SEMA5A: variants seen among roughly 807,000 people sequenced by gnomAD.
SEMA5A encodes the protein semaphorin-5A.
SEMA5A carries 55 observed loss-of-function variants against 135.5 expected under a neutral mutation model. The observed-to-expected ratio is 0.41, with a 90% CI of 0.33 to 0.51. The LOEUF (loss-of-function observed/expected upper bound fraction) is 0.51, where lower values mean the gene tolerates loss of function less well. SEMA5A is among the 20% of genes least tolerant of loss of function. SEMA5A has a pLI of 0.37. For missense variants in SEMA5A, 1,290 were observed against 1,419.9 expected (o/e 0.91, Z 1.47); for synonymous variants, 580 against 546.5 (o/e 1.06, Z -0.85).
intron 15 of SEMA5A, among the ~76,000 whole-genome samples, chr5:9,118,677 A>G (rs1740645241): frequency 6.6e-6 from 1 of 152,146 alleles, no homozygotes; most frequent in South Asian, 2.1e-4. Flanking sequence ...TTCTCACAAG[A>G]GTAAGTCTCC....
chr5:9,131,530 C>T (rs1741415685), intron 13 of SEMA5A, among the ~76,000 whole-genome samples: 1 of 142,124 alleles, frequency 7.0e-6, no homozygotes. Flanking sequence ...ATGGCATGAA[C>T]CCAGGAGGTG....
intron 5 of SEMA5A, among the ~76,000 whole-genome samples, chr5:9,301,993 T>C (rs1201763983): frequency 1.3e-5 from 2 of 152,048 alleles, no homozygotes; most frequent in Non-Finnish European, 2.9e-5. Flanking sequence ...CAGCTCTGAG[T>C]GGCTGCCAGC....
chr5:9,293,718 T>TCTGC (rs1240051928), intron 5 of SEMA5A, among the ~76,000 whole-genome samples: 1 of 152,236 alleles, frequency 6.6e-6, no homozygotes, highest in East Asian at 1.9e-4. Context: ...CAATTATTGA[T>TCTGC]CTGCCATATG....
intron 3 of SEMA5A, among the ~76,000 whole-genome samples, chr5:9,339,755 A>C (rs35870770): frequency 6.6e-6 from 1 of 152,122 alleles, no homozygotes; most frequent in Non-Finnish European, 1.5e-5. Context: ...TGTGACAGCA[A>C]AGCTTTGAAA....
intron 1 of SEMA5A, among the ~76,000 whole-genome samples, chr5:9,539,482 G>C (rs545854466): frequency 1.4e-4 from 21 of 152,278 alleles, no homozygotes; most frequent in African/African-American, 5.1e-4. Flanking sequence ...TCTCTGTAAT[G>C]TGTAAACATA....
intron 5 of SEMA5A, among the ~76,000 whole-genome samples, chr5:9,271,059 G>A (rs1049166820): frequency 2.6e-5 from 4 of 152,016 alleles, no homozygotes; most frequent in Admixed American, 6.6e-5. Flanking sequence ...TCCACATATC[G>A]GGGAGGGGCC....
At chr5:9,238,679 G>A (rs1275977419) in intron 5 of SEMA5A, among the ~76,000 whole-genome samples, 1 of 150,612 alleles carries the variant, frequency 6.6e-6, no homozygotes, top group African/African-American at 2.4e-5. Context: ...AGTTTTTTGC[G>A]CAAATTGAGG....
intron 5 of SEMA5A, among the ~76,000 whole-genome samples, chr5:9,251,082 T>G (rs1198799638): frequency 2.0e-5 from 3 of 152,124 alleles, no homozygotes; most frequent in South Asian, 2.1e-4. Flanking sequence ...AGGAGTGGGT[T>G]AGTTATAACT....
At position 9,409,585 on chromosome 5, in the gene SEMA5A, G is replaced by T. The variant is rs576596113; in HGVS notation, c.-78+28171C>A. On this transcript the variant is annotated intron_variant, in intron 2 of 22. Coordinates refer to ENST00000382496, the MANE Select transcript of SEMA5A (RefSeq NM_003966.3). ...GGACCTTTACCTGCGTGTGCTGGAG[G>T]CTCCTCAGCTGTTTCTCCTTCTCTG... Among the ~76,000 whole-genome samples, 136 of 152,288 alleles carry T rather than the reference G, an allele frequency of 8.9e-4. 1 individual carries two copies. Among genetic ancestry groups the T allele is most frequent in the African/African-American group, 3.0e-3 (123 of 41,566 alleles).
intron 11 of SEMA5A, among the ~76,000 whole-genome samples, chr5:9,184,978 C>T (rs1021171402): frequency 3.2e-4 from 49 of 152,156 alleles, no homozygotes; most frequent in African/African-American, 6.7e-4. Context: ...CCCAGGCTGG[C>T]GTACAATGGT....
intron 1 of SEMA5A, among the ~76,000 whole-genome samples, chr5:9,531,952 A>G (rs1464509837): frequency 2.0e-5 from 3 of 152,200 alleles, no homozygotes; most frequent in African/African-American, 4.8e-5. Context: ...CCATCTCTCT[A>G]TGAAGTTTAG....
chr5:9,414,357 C>G (rs1757211058), intron 2 of SEMA5A, among the ~76,000 whole-genome samples: 1 of 152,170 alleles, frequency 6.6e-6, no homozygotes, highest in African/African-American at 2.4e-5. Flanking sequence ...CTAGCTCTTC[C>G]TACTGATGCC....
Position 9,201,971 on chromosome 5 carries a change from T to C in SEMA5A, c.916A>G (p.Ile306Val), listed in dbSNP as rs990451677. 1.2e-6 allele frequency: 2 copies of C among 1,614,060 alleles called. No individual in the cohort carries two copies. Among genetic ancestry groups the C allele is most frequent in the East Asian group, 2.2e-5 (1 of 44,872 alleles). ...GTTACATACACATTGGTGGTAAAGATGCCATAGATCAAATCCAGCTCAGGC... is the reference window on the plus strand; with the variant it reads ...GTTACATACACATTGGTGGTAAAGACGCCATAGATCAAATCCAGCTCAGGC... Reference protein sequence around the residue: ...FLPELDLIYGIFTTNVNSIAA... With the variant: ...FLPELDLIYGVFTTNVNSIAA... Residue 306 changes from isoleucine to valine, a missense_variant, in exon 9 of 23, where the codon ATC (isoleucine) becomes GTC (valine). Transcript: ENST00000382496.
intron 3 of SEMA5A, among the ~76,000 whole-genome samples, chr5:9,379,092 T>C (rs1376781607): frequency 6.6e-6 from 1 of 152,212 alleles, no homozygotes; most frequent in Non-Finnish European, 1.5e-5. Context: ...GACTATTCTT[T>C]CTATTTCCAT....
At chr5:9,266,961 T>G (rs185553152) in intron 5 of SEMA5A, among the ~76,000 whole-genome samples, 3 of 152,276 alleles carry the variant, frequency 2.0e-5, no homozygotes, top group African/African-American at 7.2e-5. Flanking sequence ...TGCACCTAAT[T>G]TAATTCTCAG....
Position 9,271,406 on chromosome 5 carries a change from A to C in SEMA5A, c.271-33516T>G, listed in dbSNP as rs185922964. 2.8e-3 allele frequency among the ~76,000 whole-genome samples: 434 copies of C among 152,302 alleles called. 1 individual carries two copies. Among genetic ancestry groups the C allele is most frequent in the African/African-American group, 9.9e-3 (411 of 41,574 alleles). ...AGAAAATTGGTAACAGGAGTGAGGT[A>C]CGGCTATAAACATAACTGAAAATGT... is the stretch of plus-strand genomic sequence containing the variant. On this transcript the variant is annotated intron_variant, in intron 5 of 22. Transcript: ENST00000382496.
intron 18 of SEMA5A, among the ~76,000 whole-genome samples, chr5:9,062,179 G>C (rs1165340745): frequency 6.6e-6 from 1 of 152,108 alleles, no homozygotes; most frequent in African/African-American, 2.4e-5. Flanking sequence ...ATCTAGCCTA[G>C]ATGATGTCTT....
intron 8 of SEMA5A, among the ~76,000 whole-genome samples, chr5:9,214,606 G>C (rs1193641324): frequency 6.6e-6 from 1 of 152,154 alleles, no homozygotes; most frequent in Non-Finnish European, 1.5e-5. Flanking sequence ...AGGGATCTCT[G>C]TATCCCGGCC....
chr5:9,104,879 T>C (rs1739823620), intron 16 of SEMA5A, among the ~76,000 whole-genome samples: 1 of 152,154 alleles, frequency 6.6e-6, no homozygotes, highest in Non-Finnish European at 1.5e-5. Flanking sequence ...TTTAAGTGTC[T>C]CATTCTGAGC....
Sources: allele counts gnomAD v4.1 joint callset (sites outside exome capture counted in the v4.1 genomes callset), GRCh38; gene constraint gnomAD v4.1.1; transcripts MANE v1.5; gene names NCBI Gene and HGNC (gene_info 2026-07-23, HGNC 2026-07-21).